IL1R1: variants seen among roughly 807,000 people sequenced by gnomAD.
The protein encoded by IL1R1 is interleukin-1 receptor type 1.
Under a neutral mutation model 50.2 loss-of-function variants are expected in IL1R1, and 22 were observed. The observed-to-expected ratio is 0.44, with a 90% CI of 0.31 to 0.63. IL1R1 has a LOEUF of 0.63. Among genes scored for constraint, IL1R1 ranks in the 20% least tolerant of loss-of-function variants. The pLI, the probability that IL1R1 is intolerant of heterozygous loss-of-function variation, is 0.07. For missense variants in IL1R1, 509 were observed against 676.2 expected (o/e 0.75, Z 2.74); for synonymous variants, 251 against 236.7 (o/e 1.06, Z -0.55).
rs149144698 is a variant in IL1R1 at position 102,169,726 on chromosome 2, A to T, written c.721+1063A>T. On this transcript the variant is annotated intron_variant, in intron 7 of 11. Coordinates refer to ENST00000410023, the MANE Select transcript of IL1R1 (RefSeq NM_000877.4). ...TTATGGTGGAAGGTGGTAGAAAGAC[A>T]TTCTTAGACAGAAACAAAAATGTCA... 4.9e-3 allele frequency among the ~76,000 whole-genome samples: 751 copies of T among 152,360 alleles called. 4 individuals carry two copies. The highest frequency in any genetic ancestry group is 0.017 in the African/African-American group (724 of 41,584).
chr2:102,112,990 G>T (rs1213870981), intron 1 of IL1R1, among the ~76,000 whole-genome samples: 1 of 152,200 alleles, frequency 6.6e-6, no homozygotes, highest in South Asian at 2.1e-4. Flanking sequence ...TCAGCTGTCT[G>T]CAAACCAGAA....
chr2:102,149,986 C>T (rs941629453), intron 1 of IL1R1, among the ~76,000 whole-genome samples: 1 of 152,168 alleles, frequency 6.6e-6, no homozygotes, highest in Non-Finnish European at 1.5e-5. Context: ...AGTGGACCTC[C>T]AGCAGGTTCT....
At chr2:102,086,567 T>A (rs1206874182) in intron 1 of IL1R1, among the ~76,000 whole-genome samples, 1 of 152,038 alleles carries the variant, frequency 6.6e-6, no homozygotes. Context: ...TAATTACATA[T>A]ATTTTGGCAG....
intron 1 of IL1R1, among the ~76,000 whole-genome samples, chr2:102,107,508 G>C (rs550350822): frequency 6.6e-6 from 1 of 152,042 alleles, no homozygotes; most frequent in South Asian, 2.1e-4. Flanking sequence ...GGGAGGAGGG[G>C]GGAGGGATAA....
chr2:102,071,299 C>A (rs1265206244), intron 1 of IL1R1, among the ~76,000 whole-genome samples: 1 of 152,130 alleles, frequency 6.6e-6, no homozygotes, highest in Non-Finnish European at 1.5e-5. Context: ...CTCAATTTGC[C>A]TTTTTAACTA....
intron 1 of IL1R1, among the ~76,000 whole-genome samples, chr2:102,090,709 C>T (rs1679628686): frequency 6.6e-6 from 1 of 152,082 alleles, no homozygotes; most frequent in African/African-American, 2.4e-5. Context: ...CTGTTTAGTT[C>T]ATGTTTTTCT....
At chr2:102,172,919 C>T in intron 9 of IL1R1, 81 bp downstream of exon 9, 1 of 990,790 alleles carries the variant, frequency 1.0e-6, no homozygotes, top group Non-Finnish European at 1.5e-6. Context: ...ATGCCATTTC[C>T]TCTGCTTAGA....
At chr2:102,174,800 C>A in intron 10 of IL1R1, 70 bp downstream of exon 10, 2 of 1,312,788 alleles carry the variant, frequency 1.5e-6, no homozygotes, top group African/African-American at 1.5e-5. Flanking sequence ...TAGAAGATGA[C>A]TAAGAGGGTT....
At chr2:102,094,882 T>A (rs1679832526) in intron 1 of IL1R1, among the ~76,000 whole-genome samples, 1 of 152,116 alleles carries the variant, frequency 6.6e-6, no homozygotes, top group Non-Finnish European at 1.5e-5. Context: ...GATATAATAT[T>A]CTAGAAAATG....
chr2:102,176,414 C>G lies in IL1R1; in HGVS notation c.1365C>G (p.Val455=). The change falls in exon 12 of 12, where the codon GTC becomes GTG. Residue 455 remains valine (V), a synonymous_variant. Transcript: ENST00000410023. ...GCAGAAGACTGATTATCATTTTAGT[C>G]AGAGAAACATCAGGCTTCAGCTGGC... is the stretch of plus-strand genomic sequence containing the variant. The part of the protein sequence containing the change: ...KKSRRLIIIL[V]RETSGFSWLG... 1 of 1,614,026 alleles carries G rather than the reference C, an allele frequency of 6.2e-7. No homozygotes were observed. The highest frequency in any genetic ancestry group is 1.6e-4 in the Middle Eastern group (1 of 6,062).
chr2:102,138,514 G>A (rs916451534), upstream of IL1R1, among the ~76,000 whole-genome samples: 2 of 152,128 alleles, frequency 1.3e-5, no homozygotes, highest in African/African-American at 4.8e-5. Flanking sequence ...GTTCACATGT[G>A]GCTTTCTGGT....
At chr2:102,091,757 A>G (rs766786876) in intron 1 of IL1R1, among the ~76,000 whole-genome samples, 3 of 152,266 alleles carry the variant, frequency 2.0e-5, no homozygotes, top group Non-Finnish European at 2.9e-5. Context: ...CCATTGACCA[A>G]GCTCTCTTTA....
At chr2:102,093,868 C>G (rs1679787858) in intron 1 of IL1R1, among the ~76,000 whole-genome samples, 1 of 152,200 alleles carries the variant, frequency 6.6e-6, no homozygotes, top group Non-Finnish European at 1.5e-5. Context: ...GCAGCAGGCT[C>G]CCGGCAGCTG....
rs557077312 is a variant in IL1R1, at chr2:102,089,897, G to A, written c.-84+19364G>A. Among the ~76,000 whole-genome samples the A allele has an allele frequency of 3.4e-5, 5 of 147,982 alleles. No homozygotes were observed. The East Asian group carries it at 1.0e-3, about 30-fold the overall frequency. On this transcript the variant is annotated intron_variant, in intron 1 of 11. Transcript: ENST00000409929. Reference sequence around the variant, plus strand: ...TGCTCAGGCTGGAGTGCAGTGGTACGATCTCGGCTCACTGCAAGCTCCACC... The same window carrying A: ...TGCTCAGGCTGGAGTGCAGTGGTACAATCTCGGCTCACTGCAAGCTCCACC...
chr2:102,100,465 A>G (rs1232484171), upstream of IL1R1, among the ~76,000 whole-genome samples: 1 of 152,222 alleles, frequency 6.6e-6, no homozygotes, highest in Non-Finnish European at 1.5e-5. Flanking sequence ...TTATACATGT[A>G]TCCAACTCTA....
intron 1 of IL1R1, among the ~76,000 whole-genome samples, chr2:102,093,918 T>C (rs939921422): frequency 3.3e-5 from 5 of 152,134 alleles, no homozygotes; most frequent in Non-Finnish European, 5.9e-5. Context: ...CCTGCAGCAG[T>C]GTGGGGTCCA....
chr2:102,169,265 A>AT (rs1464766747), intron 7 of IL1R1, among the ~76,000 whole-genome samples: 2 of 152,202 alleles, frequency 1.3e-5, no homozygotes, highest in East Asian at 1.9e-4. Flanking sequence ...GTTAGTGAAC[A>AT]TTTTTTATTC....
intron 1 of IL1R1, among the ~76,000 whole-genome samples, chr2:102,125,991 C>G (rs1681690364): frequency 6.6e-6 from 1 of 152,168 alleles, no homozygotes; most frequent in South Asian, 2.1e-4. Context: ...GTCTTCAGCT[C>G]CAACCATTAC....
At chr2:102,102,380 A>G (rs1311841628), upstream of IL1R1, among the ~76,000 whole-genome samples, 1 of 152,206 alleles carries the variant, frequency 6.6e-6, no homozygotes, top group Admixed American at 6.5e-5. Flanking sequence ...AAGTATTTAC[A>G]TAATCTCAAT....
Sources: gnomAD v4.1 joint callset for allele counts (sites outside exome capture counted in the v4.1 genomes callset) on GRCh38, gnomAD v4.1.1 for gene constraint, MANE v1.5 for transcripts, NCBI Gene and HGNC (gene_info 2026-07-23, HGNC 2026-07-21) for gene names.